The following NFU1 variants were observed in gnomAD, a reference collection of about 807,000 sequenced individuals.
NFU1 encodes the protein NFU1 iron-sulfur cluster scaffold homolog, mitochondrial.
A neutral mutation model predicts 32.2 loss-of-function variants in NFU1; 30 were observed. That is an observed-to-expected ratio of 0.93 (90% CI 0.70 to 1.26). The LOEUF (loss-of-function observed/expected upper bound fraction) is 1.26. Ranked by LOEUF, NFU1 falls within the 50% of genes most tolerant of loss-of-function variation. The pLI is 0.00. For synonymous variants in NFU1, 112 were observed against 104.6 expected (o/e 1.07, Z -0.43); for missense variants, 306 against 306.6 (o/e 1.00, Z 0.02).
chr2:69,410,125 A>C (rs977403215), intron 5 of NFU1, among the ~76,000 whole-genome samples: 22 of 152,166 alleles, frequency 1.4e-4, no homozygotes, highest in African/African-American at 5.1e-4. Context: ...GAGGTGGTTC[A>C]CGCCCATAAT....
intron 5 of NFU1, among the ~76,000 whole-genome samples, chr2:69,407,733 G>A (rs1000942155): frequency 2.5e-4 from 38 of 149,990 alleles, no homozygotes; most frequent in Non-Finnish European, 4.0e-4. Flanking sequence ...ACACAAAAGG[G>A]CTGGGCGCAG....
intron 2 of NFU1, among the ~76,000 whole-genome samples, chr2:69,426,563 G>A (rs370791685): frequency 1.1e-4 from 17 of 152,042 alleles, no homozygotes; most frequent in African/African-American, 4.1e-4. Context: ...TGGGATTACA[G>A]GCATGAGCCA....
In NFU1 at chr2:69,396,264, T is replaced by C. The variant is rs770468039; in HGVS notation, c.747A>G (p.Lys249=). ...GATTATTTTAAGGTGAGTTTGCTTC[T>C]TTTTCATCTGATTCATCATCCATAA... The part of the protein sequence containing the change: ...EQVMDDESDE[K]EANSP The change falls in exon 8 of 8, where the codon AAA becomes AAG. Residue 249 remains lysine (K), a synonymous_variant. Transcript: ENST00000410022. 25 of 1,611,100 alleles carry C rather than the reference T, an allele frequency of 1.6e-5. No individual in the cohort carries two copies. Among genetic ancestry groups the C allele is most frequent in the Non-Finnish European group, 2.1e-5 (25 of 1,178,038 alleles).
intron 5 of NFU1, chr2:69,410,896 T>G (rs550434636): frequency 6.6e-6 from 1 of 152,290 alleles, no homozygotes; most frequent in East Asian, 1.9e-4. Flanking sequence ...TACAAGATGG[T>G]CATTAAATTT....
chr2:69,435,298 C>A (rs1673793095), intron 1 of NFU1, among the ~76,000 whole-genome samples: 1 of 152,208 alleles, frequency 6.6e-6, no homozygotes, highest in African/African-American at 2.4e-5. Context: ...TTAGAACGGT[C>A]TTTCACTGTC....
At chr2:69,407,720 A>G (rs1442459670) in intron 5 of NFU1, among the ~76,000 whole-genome samples, 2 of 150,736 alleles carry the variant, frequency 1.3e-5, no homozygotes, top group Middle Eastern at 3.2e-3. Flanking sequence ...AGGAAAAGAA[A>G]ACACACAAAA....
intron 3 of NFU1, among the ~76,000 whole-genome samples, chr2:69,421,372 A>C (rs1183137795): frequency 6.6e-6 from 1 of 152,008 alleles, no homozygotes; most frequent in African/African-American, 2.4e-5. Flanking sequence ...TAAACGAGAC[A>C]TATAAAATGG....
Position 69,423,639 on chromosome 2 carries a change from T to C in NFU1, c.245A>G (p.Glu82Gly). The change falls in exon 3 of 8, where the codon GAG becomes GGG. Residue 82 changes from glutamate to glycine, a missense_variant. By Grantham distance (98) the Glu-to-Gly change is moderately conservative (BLOSUM62 -2). Coordinates refer to ENST00000410022, the MANE Select transcript of NFU1 (RefSeq NM_001002755.4). ...LKFIPGKPVL[E>G]TRTMDFPTPA... is the part of the protein sequence containing the mutation. ...GGTGGGAAAATCCATGGTCCTTGTC[T>C]CAAGAACTGGTTTTCCTGGTATAAA... The C allele has an allele frequency of 6.2e-7, 1 of 1,613,506 alleles. No individual in the cohort carries two copies. The highest frequency in any genetic ancestry group is 8.5e-7 in the Non-Finnish European group (1 of 1,179,546).
chr2:69,422,807 CT>C (rs1673290824), intron 3 of NFU1, among the ~76,000 whole-genome samples: 1 of 151,952 alleles, frequency 6.6e-6, no homozygotes, highest in Non-Finnish European at 1.5e-5. Context: ...CCTTAACCTC[CT>C]GGGTTTAAGT....
chr2:69,406,187 T>C, intron 5 of NFU1, 105 bp from the exon 6 acceptor site: 1 of 712,672 alleles, frequency 1.4e-6, no homozygotes, highest in Non-Finnish European at 2.5e-6. Context: ...ATTAAAAACA[T>C]AAAACTATAG....
At chr2:69,439,482 CCAAAGAGTGAGCCACATCAAGATTTACTA>C (rs1673990922), upstream of NFU1, among the ~76,000 whole-genome samples, 1 of 152,076 alleles carries the variant, frequency 6.6e-6, no homozygotes, top group Non-Finnish European at 1.5e-5. Flanking sequence ...CAGCACGGGC[CCAAAGAGTGAGCCACATCAAGATTTACTA>C]CAAAGAGCAA....
upstream of NFU1, among the ~76,000 whole-genome samples, chr2:69,438,901 C>A (rs1287367248): frequency 1.8e-5 from 2 of 112,404 alleles, no homozygotes; most frequent in East Asian, 3.7e-4. Context: ...TCCAACCCCC[C>A]ACCCACCCCC....
upstream of NFU1, among the ~76,000 whole-genome samples, chr2:69,439,123 A>G (rs1673965207): frequency 6.6e-6 from 1 of 151,964 alleles, no homozygotes; most frequent in Non-Finnish European, 1.5e-5. Context: ...CAAGTGGCTT[A>G]AAAAAATGGT....
intron 7 of NFU1, among the ~76,000 whole-genome samples, chr2:69,396,944 C>A (rs563395849): frequency 1.3e-5 from 2 of 151,816 alleles, no homozygotes; most frequent in Admixed American, 1.3e-4. Flanking sequence ...TGGTGGTGGG[C>A]GCCTGTAGTC....
chr2:69,425,445 C>T (rs963137720), intron 2 of NFU1, among the ~76,000 whole-genome samples: 2 of 151,714 alleles, frequency 1.3e-5, no homozygotes, highest in Non-Finnish European at 2.9e-5. Context: ...ACCTCTGCCC[C>T]CTAAGTTCAA....
rs866948435 is a variant in NFU1, at chr2:69,396,223, G to A, written c.*23C>T. 3 of 1,599,426 alleles carry A rather than the reference G, an allele frequency of 1.9e-6. No homozygotes were observed. The highest frequency in any genetic ancestry group is 2.2e-5 in the East Asian group (1 of 44,696). On this transcript the variant is annotated 3_prime_UTR_variant, in exon 8 of 8. Transcript: ENST00000410022. ...TATTATCAACAAGTCTGACTGTTAT[G>A]CCCAAAGAAAATCCAGATTATTTTA...
chr2:69,396,203 T>C lies in NFU1; in HGVS notation c.*43A>G. ...AATAATAAAAACTTGATATATATTA[T>C]CAACAAGTCTGACTGTTATGCCCAA... is the stretch of plus-strand genomic sequence containing the variant. On this transcript the variant is annotated 3_prime_UTR_variant, in exon 8 of 8. Transcript: ENST00000410022. 1 of 1,501,284 alleles carries C rather than the reference T, an allele frequency of 6.7e-7. No individual in the cohort carries two copies. The highest frequency in any genetic ancestry group is 9.2e-7 in the Non-Finnish European group (1 of 1,081,582). 93.0% of individuals were successfully genotyped at this position (1,501,284 alleles called of 1,614,324 possible).
intron 3 of NFU1, among the ~76,000 whole-genome samples, chr2:69,420,530 G>C (rs114710226): frequency 6.6e-6 from 1 of 152,224 alleles, no homozygotes; most frequent in African/African-American, 2.4e-5. Context: ...TATTCTTCCA[G>C]ATCTTTTTGT....
chr2:69,437,902 T>TTA (rs1196375912), upstream of NFU1, among the ~76,000 whole-genome samples: 1 of 152,162 alleles, frequency 6.6e-6, no homozygotes, highest in Non-Finnish European at 1.5e-5. Context: ...TGTGGAACTG[T>TTA]GTCTAACCCT....
Sources: gnomAD v4.1 joint callset for allele counts (sites outside exome capture counted in the v4.1 genomes callset) on GRCh38, gnomAD v4.1.1 for gene constraint, MANE v1.5 for transcripts, NCBI Gene and HGNC (gene_info 2026-07-23, HGNC 2026-07-21) for gene names.